The following ANO2 variants were observed in gnomAD, a reference collection of about 807,000 sequenced individuals.
The protein encoded by ANO2 is anoctamin-2.
ANO2 carries 101 observed loss-of-function variants against 124.2 expected under a neutral mutation model. The ratio of observed to expected loss-of-function variants is 0.81; its 90% CI spans 0.69 to 0.96. The LOEUF (loss-of-function observed/expected upper bound fraction) is 0.96, where lower values mean the gene tolerates loss of function less well. Among genes scored for constraint, ANO2 ranks in the 40% least tolerant of loss-of-function variants. ANO2 has a pLI of 0.00. For synonymous variants in ANO2, 486 were observed against 482.5 expected, an observed-to-expected ratio of 1.01 and a Z score of -0.09; for missense variants, 1,293 against 1,274.5, an observed-to-expected ratio of 1.01 and a Z score of -0.22.
chr12:5,714,588 C>T (rs187343340), intron 14 of ANO2, among the ~76,000 whole-genome samples: 1 of 152,274 alleles, frequency 6.6e-6, no homozygotes, highest in Non-Finnish European at 1.5e-5. Context: ...ATAGTTATTG[C>T]TATTGTTGTA....
chr12:5,630,700 AC>A (rs1304310000), intron 16 of ANO2, among the ~76,000 whole-genome samples: 1 of 152,246 alleles, frequency 6.6e-6, no homozygotes, highest in Non-Finnish European at 1.5e-5. Context: ...AACTGCATTG[AC>A]AAAAATGTGC....
chr12:5,916,256 G>A (rs1315546776), intron 3 of ANO2, among the ~76,000 whole-genome samples: 1 of 152,102 alleles, frequency 6.6e-6, no homozygotes, highest in Non-Finnish European at 1.5e-5. Context: ...CAGCCTGGGT[G>A]ACAGAGTGAG....
At chr12:5,942,721 G>A (rs1942943913) in intron 1 of ANO2, among the ~76,000 whole-genome samples, 2 of 152,236 alleles carry the variant, frequency 1.3e-5, no homozygotes, top group African/African-American at 4.8e-5. Context: ...TGCATGGCTT[G>A]TTCCTTCATT....
chr12:5,654,956 G>A (rs1947084642), intron 14 of ANO2, among the ~76,000 whole-genome samples: 1 of 152,226 alleles, frequency 6.6e-6, no homozygotes, highest in African/African-American at 2.4e-5. Context: ...ACAACTGCAT[G>A]GATTGATGTC....
At position 5,796,254 on chromosome 12, in the gene ANO2, TAC is replaced by T. The variant is rs200568213; in HGVS notation, c.1055+3251_1055+3252del. On this transcript the variant is annotated intron_variant, in intron 10 of 24. Coordinates refer to ENST00000682330, the MANE Select transcript of ANO2 (RefSeq NM_001364791.2). ...ACACACTCATACCCACTCACACACA[TAC>T]ACTCACACCGACACACGCATGCACA... Among the ~76,000 whole-genome samples the T allele has an allele frequency of 7.9e-3, 1,157 of 146,206 alleles. 7 individuals carry two copies. Among genetic ancestry groups the T allele is most frequent in the Non-Finnish European group, 0.011 (741 of 66,662 alleles).
rs766450139 is a variant in ANO2, at chr12:5,744,251, G to C, written c.1257C>G (p.Tyr419Ter). Residue 419 changes from tyrosine (Y) to a stop codon, truncating the protein, a stop_gained, in exon 12 of 25, where the codon TAC (tyrosine) becomes TAG (stop). Coordinates refer to ENST00000682330, the MANE Select transcript of ANO2 (RefSeq NM_001364791.2). LOFTEE classifies it high-confidence loss of function. ...MCPLCDKSCD[Y>*]WNLSSACGTA... ...TCCCACAGGCTGAGCTGAGGTTCCA[G>C]TAATCACAGGACTTGTCACACAGGG... 1 of 1,613,992 alleles carries C rather than the reference G, an allele frequency of 6.2e-7. No homozygotes were observed. Among genetic ancestry groups the C allele is most frequent in the Non-Finnish European group, 8.5e-7 (1 of 1,179,878 alleles).
At chr12:5,716,097 G>C (rs1199211799) in intron 14 of ANO2, among the ~76,000 whole-genome samples, 1 of 152,210 alleles carries the variant, frequency 6.6e-6, no homozygotes, top group Non-Finnish European at 1.5e-5. Flanking sequence ...CCTAGGAGAT[G>C]AAATAATAGC....
At chr12:5,800,749 C>T (rs1565679095) in intron 9 of ANO2, among the ~76,000 whole-genome samples, 1 of 152,098 alleles carries the variant, frequency 6.6e-6, no homozygotes, top group South Asian at 2.1e-4. Context: ...TTTTGAGATG[C>T]TCTTTGGGTA....
intron 10 of ANO2, among the ~76,000 whole-genome samples, chr12:5,763,260 G>T (rs1265547760): frequency 6.6e-6 from 1 of 151,990 alleles, no homozygotes; most frequent in Non-Finnish European, 1.5e-5. Context: ...AATAAGAAAT[G>T]ATGTTTAACC....
intron 19 of ANO2, among the ~76,000 whole-genome samples, chr12:5,610,984 T>G (rs1944518868): frequency 7.5e-6 from 1 of 132,482 alleles, no homozygotes; most frequent in South Asian, 2.3e-4. Flanking sequence ...TTTTTTTTTT[T>G]TTTTTGAGAC....
At chr12:5,829,477 A>G (rs1174287738) in intron 6 of ANO2, among the ~76,000 whole-genome samples, 1 of 152,188 alleles carries the variant, frequency 6.6e-6, no homozygotes, top group Non-Finnish European at 1.5e-5. Context: ...TGCCTGGGAA[A>G]TAGCCTAGCC....
At chr12:5,754,304 G>A (rs1184789430) in intron 10 of ANO2, among the ~76,000 whole-genome samples, 1 of 152,132 alleles carries the variant, frequency 6.6e-6, no homozygotes, top group Non-Finnish European at 1.5e-5. Flanking sequence ...TTAAAGTGCT[G>A]CTGAGTTTGA....
intron 14 of ANO2, among the ~76,000 whole-genome samples, chr12:5,718,139 A>T (rs1315834910): frequency 6.6e-6 from 1 of 152,270 alleles, no homozygotes; most frequent in Non-Finnish European, 1.5e-5. Flanking sequence ...CAATAGCTCG[A>T]GAGGGAAAGA....
At chr12:5,941,330 T>C (rs1047329118) in intron 1 of ANO2, among the ~76,000 whole-genome samples, 10 of 151,956 alleles carry the variant, frequency 6.6e-5, no homozygotes, top group Admixed American at 2.0e-4. Context: ...AAAAGAAAAA[T>C]CCATTGGGTG....
In ANO2 at chr12:5,823,085, T is replaced by C. The variant is rs376062137; in HGVS notation, c.892+4684A>G. Among the ~76,000 whole-genome samples, 20 of 152,316 alleles carry C rather than the reference T, an allele frequency of 1.3e-4. No homozygotes were observed. The East Asian group carries it at 3.5e-3, about 26-fold the overall frequency. On this transcript the variant is annotated intron_variant, in intron 7 of 24. Transcript: ENST00000682330. ...GGAATTCTGGGAGATACAATTCAAG[T>C]TGAGATTTGCAGGGGGACACAGCCA...
chr12:5,916,322 C>A (rs17724452), intron 3 of ANO2, among the ~76,000 whole-genome samples: 22,921 of 150,116 alleles, frequency 0.15, 1,967 homozygotes, highest in South Asian at 0.21. Flanking sequence ...ACATGCAGAA[C>A]GTGAATGGAT....
At chr12:5,647,890 G>T in intron 14 of ANO2, 89 bp from the exon 15 acceptor site, 3 of 938,576 alleles carry the variant, frequency 3.2e-6, no homozygotes, top group South Asian at 2.8e-5. Flanking sequence ...GCATGCGATT[G>T]ATCATTATCA....
intron 15 of ANO2, among the ~76,000 whole-genome samples, chr12:5,643,890 A>G (rs59931608): frequency 0.023 from 3,437 of 152,164 alleles, 132 homozygotes; most frequent in African/African-American, 0.079. Context: ...ACTGTTTTCC[A>G]TGTTTTTTAA....
At chr12:5,565,442 C>A in intron 24 of ANO2, 116 bp downstream of exon 24, 1 of 925,018 alleles carries the variant, frequency 1.1e-6, no homozygotes, top group Non-Finnish European at 1.6e-6. Context: ...ACACATGAAG[C>A]TTTCTTATGT....
Sources: gnomAD v4.1 joint callset for allele counts (sites outside exome capture counted in the v4.1 genomes callset) on GRCh38, gnomAD v4.1.1 for gene constraint, MANE v1.5 for transcripts, NCBI Gene and HGNC (gene_info 2026-07-23, HGNC 2026-07-21) for gene names.